Variants in GPHN observed in about 807,000 individuals in gnomAD.
GPHN encodes the protein gephyrin.
In GPHN, 17 loss-of-function variants were observed where a neutral mutation model predicts 95.5. The observed-to-expected ratio is 0.18, with a 90% CI of 0.12 to 0.27. The LOEUF (loss-of-function observed/expected upper bound fraction) is 0.27, where lower values mean the gene tolerates loss of function less well. Among genes scored for constraint, GPHN ranks in the 10% least tolerant of loss-of-function variants. GPHN has a pLI of 1.00. For synonymous variants in GPHN, 320 were observed against 322.5 expected (o/e 0.99, Z 0.08); for missense variants, 660 against 978.1 (o/e 0.67, Z 4.34).
chr14:67,503,700 T>C, the GPHN span: 1 of 152,140 alleles, frequency 6.6e-6, no homozygotes, highest in Non-Finnish European at 1.5e-5. Context: ...AAATTATTTT[T>C]ATTTTTTATT....
intron 5 of GPHN, among the ~76,000 whole-genome samples, chr14:66,907,535 G>A (rs118123734): frequency 6.6e-6 from 1 of 152,082 alleles, no homozygotes; most frequent in African/African-American, 2.4e-5. Context: ...AAAACTCATA[G>A]AACTTTATCA....
At chr14:67,017,483 C>T (rs1364136298) in intron 9 of GPHN, among the ~76,000 whole-genome samples, 2 of 152,028 alleles carry the variant, frequency 1.3e-5, no homozygotes, top group Non-Finnish European at 2.9e-5. Context: ...GTAGATGGTA[C>T]TCAAAGAAGT....
At chr14:67,408,908 G>A in the GPHN span, among the ~76,000 whole-genome samples, 3 of 152,014 alleles carry the variant, frequency 2.0e-5, no homozygotes, top group South Asian at 6.2e-4. Flanking sequence ...CAGACAGGTG[G>A]TTTTCAGTTT....
the GPHN span, among the ~76,000 whole-genome samples, chr14:67,424,130 C>T: frequency 6.6e-6 from 1 of 152,096 alleles, no homozygotes; most frequent in Non-Finnish European, 1.5e-5. Context: ...ATCCCAGCTA[C>T]TCAGGAGGCT....
chr14:66,628,260 G>A lies in GPHN; in HGVS notation c.65-52847G>A, dbSNP rs115079298. 7.3e-3 allele frequency among the ~76,000 whole-genome samples: 1,113 copies of A among 152,244 alleles called. 7 individuals are homozygous for A. The highest frequency in any genetic ancestry group is 0.026 in the African/African-American group (1,063 of 41,538). On this transcript the variant is annotated intron_variant, in intron 1 of 22. Transcript: ENST00000478722. ...ATGATGGGGATGTGTTCTGAGAAAT[G>A]CATTGTTAGGCAATTTTGTCATTTA...
At chr14:66,777,966 C>T (rs951213720) in intron 3 of GPHN, among the ~76,000 whole-genome samples, 1 of 152,124 alleles carries the variant, frequency 6.6e-6, no homozygotes, top group African/African-American at 2.4e-5. Flanking sequence ...GTTGGAAGTT[C>T]TGGCCAGGGC....
At chr14:67,413,092 A>G in the GPHN span, among the ~76,000 whole-genome samples, 1 of 152,144 alleles carries the variant, frequency 6.6e-6, no homozygotes, top group East Asian at 1.9e-4. Flanking sequence ...TGCATTTTTT[A>G]AAATCAAAAT....
chr14:66,993,228 T>TTC (rs201499008), intron 9 of GPHN, among the ~76,000 whole-genome samples: 2 of 151,760 alleles, frequency 1.3e-5, no homozygotes, highest in South Asian at 2.1e-4. Context: ...TCTCTAGCTA[T>TTC]TCTCTCTCTC....
At chr14:66,587,100 TGAAC>T (rs1465728065) in intron 1 of GPHN, among the ~76,000 whole-genome samples, 1 of 152,104 alleles carries the variant, frequency 6.6e-6, no homozygotes, top group Non-Finnish European at 1.5e-5. Context: ...GAGACTACTG[TGAAC>T]AGTTATACAC....
intron 8 of GPHN, among the ~76,000 whole-genome samples, chr14:66,932,461 T>TTG (rs1567118497): frequency 3.3e-4 from 43 of 130,722 alleles, no homozygotes; most frequent in Non-Finnish European, 5.0e-4. Flanking sequence ...TTTTTTTTTT[T>TTG]TTTTTTTTTT....
the GPHN span, chr14:67,685,051 G>A: frequency 6.2e-7 from 1 of 1,613,482 alleles, no homozygotes; most frequent in Non-Finnish European, 8.5e-7. Flanking sequence ...AAGACCTTCT[G>A]TTAAGGCACA....
the GPHN span, among the ~76,000 whole-genome samples, chr14:67,192,627 C>G: frequency 6.6e-6 from 1 of 151,720 alleles, no homozygotes; most frequent in East Asian, 1.9e-4. Flanking sequence ...ATCAGTTTAA[C>G]CACTGGCCAC....
intron 2 of GPHN, among the ~76,000 whole-genome samples, chr14:66,756,664 A>G (rs1382239453): frequency 1.3e-5 from 2 of 152,224 alleles, no homozygotes; most frequent in Non-Finnish European, 2.9e-5. Flanking sequence ...TTGGATGGCA[A>G]CATTAACTTT....
At chr14:67,569,476 C>A in the GPHN span, among the ~76,000 whole-genome samples, 555 of 152,332 alleles carry the variant, frequency 3.6e-3, 14 homozygotes, top group East Asian at 0.07. Context: ...TCCAGCCCAG[C>A]CTCCCACCTG....
At chr14:67,424,412 G>A in the GPHN span, among the ~76,000 whole-genome samples, 1 of 151,872 alleles carries the variant, frequency 6.6e-6, no homozygotes, top group South Asian at 2.1e-4. Flanking sequence ...AAACTCAAGA[G>A]TTCAAGACCA....
chr14:67,243,690 T>G, the GPHN span, among the ~76,000 whole-genome samples: 1 of 149,674 alleles, frequency 6.7e-6, no homozygotes, highest in South Asian at 2.1e-4. Context: ...TAGAGACGGG[T>G]TTTCACCGTG....
At chr14:66,641,637 A>G (rs1410086016) in intron 1 of GPHN, among the ~76,000 whole-genome samples, 1 of 151,170 alleles carries the variant, frequency 6.6e-6, no homozygotes, top group Non-Finnish European at 1.5e-5. Context: ...TCAATAGCTG[A>G]TAGAACAAGT....
chr14:66,842,676 A>C, intron 4 of GPHN: 1 of 1,534,738 alleles, frequency 6.5e-7, no homozygotes, highest in Non-Finnish European at 8.7e-7. Flanking sequence ...TTTCTGCTGC[A>C]GAAATTCCCA....
chr14:67,152,314 T>C (rs1171818771), intron 18 of GPHN, among the ~76,000 whole-genome samples: 1 of 152,196 alleles, frequency 6.6e-6, no homozygotes, highest in Non-Finnish European at 1.5e-5. Context: ...TTATTGAACC[T>C]TCACTATATC....
Sources: gnomAD v4.1 joint callset for allele counts (sites outside exome capture counted in the v4.1 genomes callset) on GRCh38, gnomAD v4.1.1 for gene constraint, MANE v1.5 for transcripts, NCBI Gene and HGNC (gene_info 2026-07-23, HGNC 2026-07-21) for gene names.